SGCZ: variants seen among roughly 807,000 people sequenced by gnomAD.
The protein encoded by SGCZ is sarcoglycan zeta, also known as zeta-sarcoglycan.
Under a neutral mutation model 41.3 loss-of-function variants are expected in SGCZ, and 40 were observed. The observed-to-expected ratio is 0.97, with a 90% CI of 0.75 to 1.26. SGCZ has a LOEUF of 1.26. Among genes scored for constraint, SGCZ ranks in the 50% most tolerant of loss-of-function variants. The pLI, the probability that SGCZ is intolerant of heterozygous loss-of-function variation, is 0.00. For missense variants in SGCZ, 552 were observed against 369.8 expected (o/e 1.49, Z -4.04); for synonymous variants, 206 against 137.5 (o/e 1.50, Z -3.49).
intron 1 of SGCZ, among the ~76,000 whole-genome samples, chr8:14,924,743 G>C (rs1170108050): frequency 6.6e-6 from 1 of 151,772 alleles, no homozygotes; most frequent in African/African-American, 2.4e-5. Context: ...CTGAGTTTGA[G>C]GCTAAAAAAC....
At chr8:14,829,836 G>A (rs1230446564) in intron 1 of SGCZ, among the ~76,000 whole-genome samples, 2 of 152,026 alleles carry the variant, frequency 1.3e-5, no homozygotes. Flanking sequence ...TTTTTGGACG[G>A]ATTCTCGCTC....
chr8:14,148,415 A>G (rs1273163590), intron 5 of SGCZ, among the ~76,000 whole-genome samples: 1 of 152,122 alleles, frequency 6.6e-6, no homozygotes, highest in Non-Finnish European at 1.5e-5. Flanking sequence ...CTATATGACA[A>G]CAAATTGGAA....
At position 14,258,860 on chromosome 8, in the gene SGCZ, G is replaced by A. The variant is rs141087950; in HGVS notation, c.337-21181C>T. 7.9e-5 allele frequency among the ~76,000 whole-genome samples: 12 copies of A among 152,258 alleles called. No homozygotes were observed. In the East Asian group the frequency reaches 2.1e-3, roughly 27 times the overall value. On this transcript the variant is annotated intron_variant, in intron 3 of 7. Transcript: ENST00000382080. The stretch of plus-strand genomic sequence containing the variant: ...GTTTGTAGAAACTATTCAAGAACAT[G>A]CCCTTGCCTTCTTCATGCTTGCAAC...
intron 1 of SGCZ, among the ~76,000 whole-genome samples, chr8:14,866,647 A>C (rs2130692833): frequency 6.6e-6 from 1 of 152,100 alleles, no homozygotes; most frequent in East Asian, 1.9e-4. Flanking sequence ...CCGCCTCTAC[A>C]AAAATACAAA....
intron 5 of SGCZ, among the ~76,000 whole-genome samples, chr8:14,125,518 GA>G (rs1802825843): frequency 1.1e-5 from 1 of 89,834 alleles, no homozygotes; most frequent in African/African-American, 4.1e-5. Context: ...AAAAAAAAAA[GA>G]AGAAGAATCA....
In SGCZ at chr8:14,087,061, A is replaced by AT. The variant is rs34767529; in HGVS notation, c.*3381dup. Among the ~76,000 whole-genome samples the AT allele has an allele frequency of 0.052, 7,940 of 151,714 alleles. 317 individuals carry two copies. The highest frequency in any genetic ancestry group is 0.082 in the Middle Eastern group (24 of 294). ...GGAATTGCTGGCTCCATTTTCCGAGATTTGAAGTACTGTAATCTAAGATTC... is the reference window on the plus strand; with the variant it reads ...GGAATTGCTGGCTCCATTTTCCGAGATTTTGAAGTACTGTAATCTAAGATTC... On this transcript the variant is annotated 3_prime_UTR_variant, in exon 8 of 8. Transcript: ENST00000382080.
intron 1 of SGCZ, among the ~76,000 whole-genome samples, chr8:14,980,992 C>A (rs1470906618): frequency 3.3e-5 from 5 of 152,200 alleles, no homozygotes; most frequent in Admixed American, 2.6e-4. Context: ...ATTCCCTTTG[C>A]TCAACTTGCC....
At chr8:14,920,887 G>A (rs754428218) in intron 1 of SGCZ, among the ~76,000 whole-genome samples, 3 of 152,174 alleles carry the variant, frequency 2.0e-5, no homozygotes, top group Non-Finnish European at 2.9e-5. Flanking sequence ...GGCACCGCAT[G>A]CCTGAACCAG....
chr8:15,111,044 G>A (rs1468527440), intron 1 of SGCZ, among the ~76,000 whole-genome samples: 2 of 152,152 alleles, frequency 1.3e-5, no homozygotes, highest in Non-Finnish European at 2.9e-5. Context: ...TGAGGCAGGA[G>A]AATATGGTCT....
At chr8:14,928,631 T>C (rs891691207) in intron 1 of SGCZ, among the ~76,000 whole-genome samples, 4 of 152,212 alleles carry the variant, frequency 2.6e-5, no homozygotes. Context: ...TGGAGAATTA[T>C]ATTACTGGGG....
intron 1 of SGCZ, among the ~76,000 whole-genome samples, chr8:14,736,203 A>G (rs556077618): frequency 1.3e-5 from 2 of 152,268 alleles, no homozygotes; most frequent in East Asian, 3.9e-4. Context: ...AGAGGTTCAT[A>G]CAGTAAACCA....
intron 1 of SGCZ, among the ~76,000 whole-genome samples, chr8:15,096,050 G>T (rs574208682): frequency 6.6e-6 from 1 of 151,890 alleles, no homozygotes; most frequent in African/African-American, 2.4e-5. Context: ...TAATCCATAC[G>T]AGAAGTAGTT....
chr8:14,776,697 G>A (rs1800413593), intron 1 of SGCZ, among the ~76,000 whole-genome samples: 1 of 151,544 alleles, frequency 6.6e-6, no homozygotes, highest in Non-Finnish European at 1.5e-5. Context: ...GTTTCACCGT[G>A]TTAGCCAGGA....
chr8:14,504,234 G>T (rs1280959231), intron 2 of SGCZ, among the ~76,000 whole-genome samples: 2 of 152,168 alleles, frequency 1.3e-5, no homozygotes, highest in Non-Finnish European at 2.9e-5. Context: ...TGCTTTGGTT[G>T]TGCCTGCATT....
intron 1 of SGCZ, among the ~76,000 whole-genome samples, chr8:14,975,819 GT>G: frequency 6.9e-6 from 1 of 145,550 alleles, no homozygotes; most frequent in Admixed American, 6.8e-5. Flanking sequence ...ATGTGTGTGT[GT>G]GTGTAGAAAT....
At chr8:15,177,510 C>A (rs1800035216) in intron 1 of SGCZ, among the ~76,000 whole-genome samples, 1 of 151,952 alleles carries the variant, frequency 6.6e-6, no homozygotes, top group Non-Finnish European at 1.5e-5. Context: ...TTTAATCTTA[C>A]AATGGGAGGC....
intron 1 of SGCZ, among the ~76,000 whole-genome samples, chr8:15,210,646 A>G (rs915266614): frequency 1.3e-5 from 2 of 152,106 alleles, no homozygotes; most frequent in African/African-American, 4.8e-5. Flanking sequence ...TTAAATACCT[A>G]TGCAAAGTAT....
At chr8:14,751,341 C>A (rs907935647) in intron 1 of SGCZ, among the ~76,000 whole-genome samples, 1 of 152,036 alleles carries the variant, frequency 6.6e-6, no homozygotes, top group Non-Finnish European at 1.5e-5. Flanking sequence ...GTGGTAGGAT[C>A]CATTAGGGGA....
intron 3 of SGCZ, among the ~76,000 whole-genome samples, chr8:14,245,800 G>C (rs190327752): frequency 1.3e-5 from 2 of 152,022 alleles, no homozygotes; most frequent in African/African-American, 2.4e-5. Flanking sequence ...ATGAACAGAC[G>C]CTTCTCAAAA....
Sources: allele counts gnomAD v4.1 joint callset (sites outside exome capture counted in the v4.1 genomes callset), GRCh38; gene constraint gnomAD v4.1.1; transcripts MANE v1.5; gene names NCBI Gene and HGNC (gene_info 2026-07-23, HGNC 2026-07-21).